Variants in CCDC60 observed in about 807,000 individuals in gnomAD.
CCDC60 encodes coiled-coil domain containing 60.
Under a neutral mutation model 63.5 loss-of-function variants are expected in CCDC60, and 54 were observed. The observed-to-expected ratio is 0.85, with a 90% confidence interval of 0.68 to 1.07. The LOEUF is 1.07. CCDC60 is among the 50% of genes least tolerant of loss of function. CCDC60 has a pLI of 0.00. For missense variants in CCDC60, 651 were observed against 684.3 expected (o/e 0.95, Z 0.54); for synonymous variants, 206 against 238.8 (o/e 0.86, Z 1.27).
rs373728829 is a variant in CCDC60 at position 119,387,027 on chromosome 12, G to GTCTCTC, written c.91-41653_91-41648dup. Among the ~76,000 whole-genome samples, 74 of 98,158 alleles carry GTCTCTC rather than the reference G, an allele frequency of 7.5e-4. 1 individual carries two copies. Among genetic ancestry groups the GTCTCTC allele is most frequent in the African/African-American group, 2.8e-3 (64 of 22,974 alleles). The allele number at this position is 98,158 out of a possible 152,430, so 64.4% of individuals were successfully genotyped here. Reference sequence around the variant, plus strand: ...TCTCTCTCTCCCTCCCTCCCCCTCTGTCTCTCTCACACACACACACACACA... The same window carrying GTCTCTC: ...TCTCTCTCTCCCTCCCTCCCCCTCTGTCTCTCTCTCTCTCACACACACACACACACA... On this transcript the variant is annotated intron_variant, in intron 1 of 13. Coordinates refer to ENST00000327554, the MANE Select transcript of CCDC60 (RefSeq NM_178499.5).
chr12:119,519,207 C>T (rs1593206080), intron 8 of CCDC60, among the ~76,000 whole-genome samples: 2 of 152,166 alleles, frequency 1.3e-5, no homozygotes, highest in South Asian at 4.1e-4. Flanking sequence ...GAAATCCCTA[C>T]AAGCCAGCAC....
chr12:119,468,948 ATATT>A (rs1566025942), intron 2 of CCDC60, among the ~76,000 whole-genome samples: 1 of 151,550 alleles, frequency 6.6e-6, no homozygotes, highest in African/African-American at 2.4e-5. Context: ...AAAAATATAT[ATATT>A]ATTTCCTAAT....
In CCDC60 at chr12:119,500,187, C is replaced by T; in HGVS notation, c.648+19C>T. 1 of 1,526,044 alleles carries T rather than the reference C, an allele frequency of 6.6e-7. No individual in the cohort carries two copies. The allele number at this position is 1,526,044 out of a possible 1,614,324, so 94.5% of individuals were successfully genotyped here. Reference sequence around the variant, plus strand: ...GCCAAAGGTAACCAACAACACGCGACTCAACCCTTTGGCTCCTAGGTCCCA... The same window carrying T: ...GCCAAAGGTAACCAACAACACGCGATTCAACCCTTTGGCTCCTAGGTCCCA... On this transcript the variant is annotated intron_variant, in intron 6 of 13. Transcript: ENST00000327554.
intron 11 of CCDC60, among the ~76,000 whole-genome samples, chr12:119,526,226 C>T (rs757338899): frequency 4.6e-4 from 70 of 152,196 alleles, no homozygotes; most frequent in Non-Finnish European, 5.6e-4. Context: ...AAGATTGAAG[C>T]TAGACCCCTC....
At position 119,420,092 on chromosome 12, in the gene CCDC60, G is replaced by C. The variant is rs1565999182; in HGVS notation, c.91-8591G>C. On this transcript the variant is annotated intron_variant, in intron 1 of 13. Coordinates refer to ENST00000327554, the MANE Select transcript of CCDC60 (RefSeq NM_178499.5). The surrounding 1 kb of genome is among the most constrained non-coding windows in gnomAD (Gnocchi z 4.1). ...AGGGTTTCACCGTGTTAGCCGGGATGGTCTCGAACTCCTGACCTCGTGATC... is the reference window on the plus strand; with the variant it reads ...AGGGTTTCACCGTGTTAGCCGGGATCGTCTCGAACTCCTGACCTCGTGATC... Among the ~76,000 whole-genome samples the C allele has an allele frequency of 1.3e-5, 2 of 151,958 alleles. No homozygotes were observed. Among genetic ancestry groups the C allele is most frequent in the South Asian group, 2.1e-4 (1 of 4,812 alleles).
intron 7 of CCDC60, among the ~76,000 whole-genome samples, chr12:119,514,665 A>C (rs1012245366): frequency 6.6e-6 from 1 of 152,214 alleles, no homozygotes; most frequent in Non-Finnish European, 1.5e-5. Flanking sequence ...TTATAAAGTA[A>C]AAAAGTACAG....
chr12:119,385,076 G>A (rs1210744233), intron 1 of CCDC60, among the ~76,000 whole-genome samples: 1 of 152,202 alleles, frequency 6.6e-6, no homozygotes. Context: ...TGGCAACATT[G>A]TGTTATAGAG....
At chr12:119,436,174 CA>C (rs768787114) in intron 2 of CCDC60, among the ~76,000 whole-genome samples, 3 of 152,172 alleles carry the variant, frequency 2.0e-5, no homozygotes, top group Non-Finnish European at 4.4e-5. Flanking sequence ...ATTCACACTA[CA>C]AATGATGGAG....
chr12:119,487,170 A>C (rs1951465198), intron 4 of CCDC60, among the ~76,000 whole-genome samples: 1 of 152,070 alleles, frequency 6.6e-6, no homozygotes, highest in African/African-American at 2.4e-5. Flanking sequence ...TTAAATTGAC[A>C]CTGGTTCAAA....
chr12:119,445,642 T>G (rs1325768340), intron 2 of CCDC60, among the ~76,000 whole-genome samples: 2 of 152,086 alleles, frequency 1.3e-5, no homozygotes, highest in Non-Finnish European at 2.9e-5. Flanking sequence ...AGTGTCCCAT[T>G]TTTTAAAAGT....
rs1415734454 is a variant in CCDC60, at chr12:119,420,748, A to C, written c.91-7935A>C. On this transcript the variant is annotated intron_variant, in intron 1 of 13. Transcript: ENST00000327554. This position sits in a 1 kb window ranked among gnomAD's most constrained non-coding sequence, Gnocchi z 4.1. Reference sequence around the variant, plus strand: ...TTGTAACTCAAAGGATAAATGCTTGAGGGGATAGATGCCCCATTCTCCATG... The same window carrying C: ...TTGTAACTCAAAGGATAAATGCTTGCGGGGATAGATGCCCCATTCTCCATG... Among the ~76,000 whole-genome samples, 2 of 152,232 alleles carry C rather than the reference A, an allele frequency of 1.3e-5. No individual in the cohort carries two copies. Among genetic ancestry groups the C allele is most frequent in the Non-Finnish European group, 1.5e-5 (1 of 68,040 alleles).
chr12:119,341,176 C>T (rs147436752), intron 1 of CCDC60, among the ~76,000 whole-genome samples: 10 of 152,324 alleles, frequency 6.6e-5, no homozygotes, highest in Admixed American at 6.5e-4. Context: ...CTTGCTGTGT[C>T]TAATTGCATG....
chr12:119,489,000 G>A, intron 5 of CCDC60, 134 bp downstream of exon 5: 1 of 731,880 alleles, frequency 1.4e-6, no homozygotes, highest in Non-Finnish European at 2.4e-6. Context: ...TATGTGCTCT[G>A]TGGGATCTGA....
chr12:119,418,870 T>C (rs1473894412), intron 1 of CCDC60, among the ~76,000 whole-genome samples: 1 of 152,242 alleles, frequency 6.6e-6, no homozygotes, highest in Non-Finnish European at 1.5e-5. Context: ...GCCTTCTTCC[T>C]CTTTTATGAC....
chr12:119,422,416 A>G (rs186415991), intron 1 of CCDC60, among the ~76,000 whole-genome samples: 1 of 152,360 alleles, frequency 6.6e-6, no homozygotes, highest in Admixed American at 6.5e-5. Context: ...TAATTGGCTC[A>G]CAGTTTCGCA....
intron 1 of CCDC60, among the ~76,000 whole-genome samples, chr12:119,345,182 C>T (rs1955578090): frequency 6.6e-6 from 1 of 152,098 alleles, no homozygotes; most frequent in Admixed American, 6.6e-5. Context: ...ATAAGTATAA[C>T]ATTAAAGCCA....
At chr12:119,480,578 C>A (rs2136348227) in intron 4 of CCDC60, among the ~76,000 whole-genome samples, 1 of 151,822 alleles carries the variant, frequency 6.6e-6, no homozygotes, top group East Asian at 1.9e-4. Flanking sequence ...ATCATCATCA[C>A]CATCATCCTC....
chr12:119,400,564 T>G (rs1227577875), intron 1 of CCDC60, among the ~76,000 whole-genome samples: 1 of 152,246 alleles, frequency 6.6e-6, no homozygotes, highest in Non-Finnish European at 1.5e-5. Flanking sequence ...ATCACCTGTA[T>G]TTTGTAGTTG....
In CCDC60 at chr12:119,519,454, T is replaced by C. The variant is rs532256421; in HGVS notation, c.969-667T>C. ...GTGTGTGCGCGTGTGTGTGTGTGTA[T>C]ATATATATATATATTTTTTTTTTTT... is the stretch of plus-strand genomic sequence containing the variant. On this transcript the variant is annotated intron_variant, in intron 8 of 13. Transcript: ENST00000327554. 5.4e-4 allele frequency among the ~76,000 whole-genome samples: 68 copies of C among 126,514 alleles called. 2 individuals are homozygous for C. Among genetic ancestry groups the C allele is most frequent in the East Asian group, 5.1e-3 (23 of 4,550 alleles). The allele number at this position is 126,514 out of a possible 152,430, so 83.0% of individuals were successfully genotyped here. A position where few individuals can be genotyped will look rare whatever the true frequency, so the allele number is the denominator to read the frequency against.
Sources: gnomAD v4.1 joint callset for allele counts (sites outside exome capture counted in the v4.1 genomes callset) on GRCh38, gnomAD v4.1.1 for gene constraint, Gnocchi (gnomAD v3.1) non-coding constraint, MANE v1.5 for transcripts, NCBI Gene and HGNC (gene_info 2026-07-23, HGNC 2026-07-21) for gene names.